Variants in EIF4E3 observed in about 807,000 individuals in gnomAD.
EIF4E3 encodes the protein eukaryotic translation initiation factor 4E family member 3.
A neutral mutation model predicts 31.7 loss-of-function variants in EIF4E3; 26 were observed. That is an observed-to-expected ratio of 0.82 (90% confidence interval 0.60 to 1.14). The LOEUF (loss-of-function observed/expected upper bound fraction) is 1.14. Ranked by LOEUF, EIF4E3 falls within the 50% of genes most tolerant of loss-of-function variation. The pLI is 0.00. For synonymous variants in EIF4E3, 128 were observed against 107.7 expected (o/e 1.19, Z -1.17); for missense variants, 304 against 270.9 (o/e 1.12, Z -0.86).
downstream of EIF4E3, among the ~76,000 whole-genome samples, chr3:71,670,617 A>G (rs1248139284): frequency 6.6e-6 from 1 of 152,186 alleles, no homozygotes; most frequent in South Asian, 2.1e-4. Context: ...GTCCTTAACA[A>G]TGGGGGTCTT....
Position 71,676,841 on chromosome 3 carries a change from G to A in EIF4E3, c.*7841C>T, listed in dbSNP as rs1486936609. The A allele has an allele frequency of 6.6e-6, 1 of 152,026 alleles. No homozygotes were observed. Among genetic ancestry groups the A allele is most frequent in the African/African-American group, 2.4e-5 (1 of 41,380 alleles). The allele number at this position is 152,026 out of a possible 1,614,324, so 9.4% of individuals were successfully genotyped here. On this transcript the variant is annotated 3_prime_UTR_variant, in exon 7 of 7. Transcript: ENST00000425534. ...ATTTTCGCCTTAAAAAGGGGACACG[G>A]CTTTAGTGTTTAACCTTCACTTCCA... is the stretch of plus-strand genomic sequence containing the variant.
At chr3:71,687,874 G>A (rs1469901211) in intron 6 of EIF4E3, among the ~76,000 whole-genome samples, 2 of 152,062 alleles carry the variant, frequency 1.3e-5, no homozygotes, top group Non-Finnish European at 2.9e-5. Flanking sequence ...AGCATACATT[G>A]GCCATTTCTA....
chr3:71,685,543 G>A (rs929332169), intron 6 of EIF4E3, among the ~76,000 whole-genome samples: 1 of 152,004 alleles, frequency 6.6e-6, no homozygotes, highest in South Asian at 2.1e-4. Flanking sequence ...TGTATTTTTG[G>A]TAGAGATGGG....
At chr3:71,674,113 TTTTTTTTTTTTG>T (rs2048860635), downstream of EIF4E3, among the ~76,000 whole-genome samples, 1 of 130,854 alleles carries the variant, frequency 7.6e-6, no homozygotes, top group South Asian at 2.6e-4. Context: ...TTTTTTTTTT[TTTTTTTTTTTTG>T]AGACAGCGCC....
At chr3:71,749,562 C>T (rs956984136) in intron 1 of EIF4E3, among the ~76,000 whole-genome samples, 1 of 152,176 alleles carries the variant, frequency 6.6e-6, no homozygotes, top group African/African-American at 2.4e-5. Context: ...CAGACTGGAC[C>T]TCATGATTAG....
chr3:71,712,767 G>C (rs2049401114), intron 1 of EIF4E3, among the ~76,000 whole-genome samples: 1 of 147,476 alleles, frequency 6.8e-6, no homozygotes, highest in South Asian at 2.2e-4. Flanking sequence ...GGTTTATAAT[G>C]AGTATAATGC....
chr3:71,691,816 C>T (rs1275133300), intron 5 of EIF4E3, among the ~76,000 whole-genome samples: 1 of 152,162 alleles, frequency 6.6e-6, no homozygotes, highest in Admixed American at 6.5e-5. Context: ...TTCTAATTTA[C>T]ACTTTAAAAA....
intron 1 of EIF4E3, among the ~76,000 whole-genome samples, chr3:71,732,221 C>G (rs1559611157): frequency 6.6e-6 from 1 of 152,188 alleles, no homozygotes; most frequent in Non-Finnish European, 1.5e-5. Context: ...TGAGACCTTT[C>G]TTCTCTCCTC....
At chr3:71,667,140 CA>C in the EIF4E3 span, among the ~76,000 whole-genome samples, 1 of 152,106 alleles carries the variant, frequency 6.6e-6, no homozygotes, top group Non-Finnish European at 1.5e-5. Flanking sequence ...TAAACAGAAC[CA>C]ATGACAAAAA....
intron 6 of EIF4E3, among the ~76,000 whole-genome samples, chr3:71,685,996 T>A (rs1377852060): frequency 6.6e-6 from 1 of 152,194 alleles, no homozygotes. Flanking sequence ...TTTTGTTTTT[T>A]AAGACTGGGT....
chr3:71,697,236 G>C (rs536340531), intron 3 of EIF4E3, among the ~76,000 whole-genome samples: 202 of 151,832 alleles, frequency 1.3e-3, no homozygotes, highest in Non-Finnish European at 2.3e-3. Context: ...GCTCAGGCTC[G>C]TCTTGAACTC....
chr3:71,736,790 T>C (rs2049768549), intron 1 of EIF4E3, among the ~76,000 whole-genome samples: 1 of 152,224 alleles, frequency 6.6e-6, no homozygotes, highest in African/African-American at 2.4e-5. Flanking sequence ...TGAGCCCTAA[T>C]GTAAACTATG....
At chr3:71,664,027 C>T in the EIF4E3 span, among the ~76,000 whole-genome samples, 1 of 152,118 alleles carries the variant, frequency 6.6e-6, no homozygotes, top group South Asian at 2.1e-4. Flanking sequence ...GAAGGTCCCT[C>T]CCCTGCAGGG....
chr3:71,724,932 A>T (rs547606660), intron 1 of EIF4E3, among the ~76,000 whole-genome samples: 3 of 152,242 alleles, frequency 2.0e-5, no homozygotes, highest in African/African-American at 7.2e-5. Context: ...CAAGGGGTAG[A>T]AAGTGTTGCC....
chr3:71,669,512 G>A, the EIF4E3 span, among the ~76,000 whole-genome samples: 11,614 of 152,190 alleles, frequency 0.076, 1,089 homozygotes, highest in African/African-American at 0.22. Flanking sequence ...TCTGCAACAT[G>A]TAAGATTTTA....
chr3:71,670,041 C>T, the EIF4E3 span, among the ~76,000 whole-genome samples: 1 of 152,178 alleles, frequency 6.6e-6, no homozygotes, highest in African/African-American at 2.4e-5. Flanking sequence ...ACAGGCCCAA[C>T]CATTTCTGCC....
At chr3:71,709,957 C>T (rs1400593118) in intron 2 of EIF4E3, among the ~76,000 whole-genome samples, 2 of 152,022 alleles carry the variant, frequency 1.3e-5, no homozygotes, top group African/African-American at 2.4e-5. Flanking sequence ...AGAGACTCTC[C>T]ACCTTCACGC....
At chr3:71,663,712 G>A in the EIF4E3 span, among the ~76,000 whole-genome samples, 3,058 of 152,316 alleles carry the variant, frequency 0.02, 98 homozygotes, top group African/African-American at 0.069. Flanking sequence ...GAGACGTCCC[G>A]CCTGCCTGAC....
chr3:71,738,250 T>C (rs1222923796), intron 1 of EIF4E3, among the ~76,000 whole-genome samples: 3 of 152,206 alleles, frequency 2.0e-5, no homozygotes, highest in Non-Finnish European at 4.4e-5. Flanking sequence ...AAACTAACTA[T>C]GCCAGCCAAA....
Sources: allele counts gnomAD v4.1 joint callset (sites outside exome capture counted in the v4.1 genomes callset), GRCh38; gene constraint gnomAD v4.1.1; transcripts MANE v1.5; gene names NCBI Gene and HGNC (gene_info 2026-07-23, HGNC 2026-07-21).